The following SCFD1 variants were observed in gnomAD, a reference collection of about 807,000 sequenced individuals.
The protein encoded by SCFD1 is sec1 family domain containing 1, also known as sec1 family domain-containing protein 1.
SCFD1 carries 37 observed loss-of-function variants against 103.2 expected under a neutral mutation model. That is an observed-to-expected ratio of 0.36 (90% CI 0.28 to 0.47). SCFD1 has a LOEUF of 0.47. SCFD1 is among the 20% of genes least tolerant of loss of function. The pLI is 1.00. For synonymous variants in SCFD1, 264 were observed against 245.0 expected, an observed-to-expected ratio of 1.08 and a Z score of -0.73; for missense variants, 639 against 761.2, an observed-to-expected ratio of 0.84 and a Z score of 1.89.
chr14:30,639,403 G>A (rs1054083756), intron 5 of SCFD1, among the ~76,000 whole-genome samples: 1 of 152,172 alleles, frequency 6.6e-6, no homozygotes, highest in African/African-American at 2.4e-5. Flanking sequence ...AGTTCTTGGT[G>A]TAAAACAATT....
At chr14:30,701,900 C>T (rs765663707) in intron 16 of SCFD1, among the ~76,000 whole-genome samples, 58 of 152,168 alleles carry the variant, frequency 3.8e-4, no homozygotes, top group African/African-American at 9.2e-4. Flanking sequence ...AAACCGAAAT[C>T]TGCAGCTCCC....
chr14:30,622,323 G>C lies in SCFD1; in HGVS notation c.-16G>C, dbSNP rs570580164. ...CGCTCCGCTCCCCAGCCGGGCAGTG[G>C]CTCGTGGGAGCCAAGATGGCGGCGG... is the stretch of plus-strand genomic sequence containing the variant. On this transcript the variant is annotated 5_prime_UTR_variant, in exon 1 of 25. Coordinates refer to ENST00000458591, the MANE Select transcript of SCFD1 (RefSeq NM_016106.4). 6.3e-6 allele frequency: 10 copies of C among 1,586,236 alleles called. No individual in the cohort carries two copies. The highest frequency in any genetic ancestry group is 2.3e-5 in the East Asian group (1 of 43,454).
rs772519450 is a variant in SCFD1 at position 30,702,320 on chromosome 14, G to T, written c.1435G>T (p.Ala479Ser). ...SEADLEQYKK[A>S]LTDAGCNLNP... The stretch of plus-strand genomic sequence containing the variant: ...GGCTGATTTGGAGCAATATAAAAAA[G>T]CTTTAACTGATGCAGGATGCAACCT... The change falls in exon 17 of 25, where the codon GCT becomes TCT. Residue 479 changes from alanine to serine, a missense_variant. Transcript: ENST00000458591. The T allele has an allele frequency of 2.8e-5, 45 of 1,599,996 alleles. No homozygotes were observed. In the Admixed American group the frequency reaches 7.4e-4, roughly 26 times the overall value.
intron 10 of SCFD1, among the ~76,000 whole-genome samples, chr14:30,663,300 A>G (rs1368336866): frequency 6.6e-6 from 1 of 152,212 alleles, no homozygotes; most frequent in East Asian, 1.9e-4. Context: ...TAGAAATTCT[A>G]GTTAATAAAA....
intron 10 of SCFD1, among the ~76,000 whole-genome samples, chr14:30,667,072 T>C (rs1042625913): frequency 2.0e-5 from 3 of 152,184 alleles, no homozygotes; most frequent in Non-Finnish European, 4.4e-5. Flanking sequence ...AGCATCATCC[T>C]GATACCAAAG....
intron 9 of SCFD1, 91 bp from the exon 10 acceptor site, chr14:30,653,398 C>A (rs1311415785): frequency 6.3e-6 from 5 of 789,440 alleles, no homozygotes; most frequent in Non-Finnish European, 1.1e-5. Context: ...TTATTCATAT[C>A]AAAATGGCAT....
At chr14:30,708,860 TG>T (rs1384546831) in intron 19 of SCFD1, among the ~76,000 whole-genome samples, 1 of 152,212 alleles carries the variant, frequency 6.6e-6, no homozygotes, top group Non-Finnish European at 1.5e-5. Flanking sequence ...ATGACTTTTT[TG>T]TTTCTGTGAT....
At chr14:30,671,393 C>T (rs1004081890) in intron 11 of SCFD1, among the ~76,000 whole-genome samples, 1 of 151,776 alleles carries the variant, frequency 6.6e-6, no homozygotes, top group Non-Finnish European at 1.5e-5. Flanking sequence ...TCTACGTTTC[C>T]CTCCAGAATG....
chr14:30,701,633 T>G (rs1891087713), intron 16 of SCFD1, among the ~76,000 whole-genome samples: 1 of 152,210 alleles, frequency 6.6e-6, no homozygotes, highest in Non-Finnish European at 1.5e-5. Context: ...TAAAATATTT[T>G]TCTTAAGAAT....
At chr14:30,633,086 A>G (rs931826572) in intron 3 of SCFD1, among the ~76,000 whole-genome samples, 1 of 152,240 alleles carries the variant, frequency 6.6e-6, no homozygotes, top group Non-Finnish European at 1.5e-5. Flanking sequence ...AAGTTTCCAC[A>G]GTATGAAATG....
chr14:30,642,105 C>T (rs1387899655), intron 6 of SCFD1, among the ~76,000 whole-genome samples: 1 of 152,010 alleles, frequency 6.6e-6, no homozygotes, highest in African/African-American at 2.4e-5. Context: ...CCCGCCACCC[C>T]GAGACAGAGT....
At chr14:30,622,767 A>AAATGGG (rs1566565120) in intron 1 of SCFD1, among the ~76,000 whole-genome samples, 1 of 152,250 alleles carries the variant, frequency 6.6e-6, no homozygotes, top group Non-Finnish European at 1.5e-5. Flanking sequence ...TTTGATTTTT[A>AAATGGG]AGAGAACTCC....
intron 4 of SCFD1, 28 bp downstream of exon 4, chr14:30,634,065 C>T (rs1258531214): frequency 7.5e-7 from 1 of 1,326,682 alleles, no homozygotes; most frequent in East Asian, 2.4e-5. Context: ...TTTCTGGACT[C>T]CTGAATTTGG....
At chr14:30,646,488 C>T (rs947965319) in intron 7 of SCFD1, among the ~76,000 whole-genome samples, 3 of 152,012 alleles carry the variant, frequency 2.0e-5, no homozygotes, top group Non-Finnish European at 2.9e-5. Context: ...CATACTTGAT[C>T]GTGGTGGATT....
At chr14:30,667,817 A>G (rs1039244668) in intron 10 of SCFD1, among the ~76,000 whole-genome samples, 2 of 152,226 alleles carry the variant, frequency 1.3e-5, no homozygotes, top group African/African-American at 2.4e-5. Context: ...TACAAAGAGA[A>G]TAAAATACCT....
At chr14:30,668,155 A>C (rs1016066605) in intron 10 of SCFD1, among the ~76,000 whole-genome samples, 2 of 152,138 alleles carry the variant, frequency 1.3e-5, no homozygotes, top group Non-Finnish European at 2.9e-5. Context: ...ACTATACTAC[A>C]AGGCTACAGT....
intron 7 of SCFD1, among the ~76,000 whole-genome samples, chr14:30,644,902 C>G (rs116380019): frequency 6.6e-6 from 1 of 152,124 alleles, no homozygotes; most frequent in Non-Finnish European, 1.5e-5. Context: ...AGCATGAAAT[C>G]TTTGCCAAGG....
At chr14:30,708,686 CAG>C (rs3032349) in intron 19 of SCFD1, among the ~76,000 whole-genome samples, 56,747 of 151,794 alleles carry the variant, frequency 0.37, 11,857 homozygotes, top group East Asian at 0.62. Flanking sequence ...AACATATAAT[CAG>C]AGAATATTAA....
At chr14:30,626,713 G>A (rs1387985810) in intron 1 of SCFD1, among the ~76,000 whole-genome samples, 1 of 152,092 alleles carries the variant, frequency 6.6e-6, no homozygotes, top group Non-Finnish European at 1.5e-5. Context: ...TTAAAACCCT[G>A]TGTCTCATTT....
Sources: gnomAD v4.1 joint callset for allele counts (sites outside exome capture counted in the v4.1 genomes callset) on GRCh38, gnomAD v4.1.1 for gene constraint, MANE v1.5 for transcripts, NCBI Gene and HGNC (gene_info 2026-07-23, HGNC 2026-07-21) for gene names.